RAPGEF4: variants seen among roughly 807,000 people sequenced by gnomAD.
RAPGEF4 encodes RAP guanine-nucleotide-exchange factor (GEF) 4.
In RAPGEF4, 66 loss-of-function variants were observed where a neutral mutation model predicts 147.9. That is an observed-to-expected ratio of 0.45 (90% CI 0.37 to 0.55). The LOEUF (loss-of-function observed/expected upper bound fraction) is 0.55. Among genes scored for constraint, RAPGEF4 ranks in the 20% least tolerant of loss-of-function variants. The pLI is 0.00. For missense variants in RAPGEF4, 1,071 were observed against 1,257.3 expected (o/e 0.85, Z 2.24); for synonymous variants, 419 against 442.7 (o/e 0.95, Z 0.67).
intron 10 of RAPGEF4, among the ~76,000 whole-genome samples, chr2:172,980,531 GGGA>G (rs1691567072): frequency 1.3e-5 from 2 of 152,174 alleles, no homozygotes; most frequent in Non-Finnish European, 2.9e-5. Context: ...GGAGCCAAGG[GGGA>G]GGAGCATGGG....
At chr2:172,840,693 A>G (rs1328462179) in intron 4 of RAPGEF4, among the ~76,000 whole-genome samples, 3 of 152,220 alleles carry the variant, frequency 2.0e-5, no homozygotes, top group Non-Finnish European at 2.9e-5. Context: ...GGTGAATATT[A>G]TACTTCTTTT....
chr2:172,764,520 C>T (rs1486653357), intron 1 of RAPGEF4, among the ~76,000 whole-genome samples: 7 of 151,916 alleles, frequency 4.6e-5, no homozygotes, highest in East Asian at 1.9e-4. Context: ...GAGATGGGCT[C>T]GGCAGGATGT....
intron 8 of RAPGEF4, among the ~76,000 whole-genome samples, chr2:172,964,001 G>A (rs1689569230): frequency 6.6e-6 from 1 of 152,158 alleles, no homozygotes; most frequent in South Asian, 2.1e-4. Context: ...CTCATCAGAC[G>A]CTCTGGGATC....
Position 172,965,631 on chromosome 2 carries a change from T to A in RAPGEF4, c.768T>A (p.Thr256=). The stretch of plus-strand genomic sequence containing the variant: ...AGACACCATGTGTTCACTCCCGGAC[T>A]CAAGCTGTTGGCATGTGGCAAGTCC... ...MQQTPCVHSR[T]QAVGMWQVLL... Residue 256 remains threonine, a synonymous_variant, in exon 9 of 31, where the codon ACT becomes ACA. Transcript: ENST00000397081. 1 of 1,614,178 alleles carries A rather than the reference T, an allele frequency of 6.2e-7. No homozygotes were observed. The highest frequency in any genetic ancestry group is 8.5e-7 in the Non-Finnish European group (1 of 1,180,016).
chr2:172,768,472 T>G (rs1219667264), intron 1 of RAPGEF4, among the ~76,000 whole-genome samples: 1 of 151,068 alleles, frequency 6.6e-6, no homozygotes, highest in Non-Finnish European at 1.5e-5. Context: ...TGCACTAGTT[T>G]ATGGGAGCCA....
At position 172,742,027 on chromosome 2, in the gene RAPGEF4, C is replaced by A. The variant is rs561864201; in HGVS notation, c.65+5979C>A. 1.8e-4 allele frequency among the ~76,000 whole-genome samples: 27 copies of A among 152,240 alleles called. No individual in the cohort carries two copies. The South Asian group carries it at 5.6e-3, about 32-fold the overall frequency. ...TCCAACATCATCAACTTACAGCCAA[C>A]CTTGTTTTGTTTATACCTTCACGCG... On this transcript the variant is annotated intron_variant, in intron 1 of 30. Coordinates refer to ENST00000397081, the MANE Select transcript of RAPGEF4 (RefSeq NM_007023.4).
chr2:172,913,268 A>T (rs555030340), intron 4 of RAPGEF4, among the ~76,000 whole-genome samples: 36 of 152,216 alleles, frequency 2.4e-4, no homozygotes, highest in African/African-American at 8.2e-4. Context: ...CATGCCACAC[A>T]TCTTAGGTTT....
chr2:172,767,256 A>G (rs1483844570), intron 1 of RAPGEF4, among the ~76,000 whole-genome samples: 6 of 149,180 alleles, frequency 4.0e-5, no homozygotes, highest in Non-Finnish European at 7.4e-5. Context: ...TTGGCTCACC[A>G]CAACCTCTGC....
chr2:173,007,610 C>T (rs879539507), intron 17 of RAPGEF4, among the ~76,000 whole-genome samples: 1 of 152,148 alleles, frequency 6.6e-6, no homozygotes, highest in Non-Finnish European at 1.5e-5. Flanking sequence ...TCATCCTTGA[C>T]AGCAATCTTA....
intron 1 of RAPGEF4, among the ~76,000 whole-genome samples, chr2:172,784,393 CT>C (rs1287654205): frequency 6.6e-6 from 1 of 152,060 alleles, no homozygotes; most frequent in Admixed American, 6.6e-5. Context: ...TGGCAGGCCC[CT>C]GTAGTCCCAG....
rs560034828 is a variant in RAPGEF4, at chr2:172,868,178, C to T, written c.445-49624C>T. Among the ~76,000 whole-genome samples, 5 of 152,278 alleles carry T rather than the reference C, an allele frequency of 3.3e-5. No individual in the cohort carries two copies. In the South Asian group the frequency reaches 6.2e-4, roughly 19 times the overall value. On this transcript the variant is annotated intron_variant, in intron 4 of 30. Transcript: ENST00000397081. The stretch of plus-strand genomic sequence containing the variant: ...GAGATTATTGGACCACCTAACAAAA[C>T]GAGCATCCCAGTAATCAATCTCAGA...
chr2:172,937,482 G>A (rs1386682893), intron 6 of RAPGEF4, among the ~76,000 whole-genome samples: 1 of 152,076 alleles, frequency 6.6e-6, no homozygotes, highest in Non-Finnish European at 1.5e-5. Flanking sequence ...CTGGGGCTAG[G>A]GGTTTGGGGA....
chr2:172,902,987 G>GA (rs1415448529), intron 4 of RAPGEF4, among the ~76,000 whole-genome samples: 5 of 152,102 alleles, frequency 3.3e-5, no homozygotes, highest in Admixed American at 6.5e-5. Context: ...AGCAATAATA[G>GA]AAAAAATCAT....
At chr2:172,925,587 T>TACAC (rs10534191) in intron 6 of RAPGEF4, among the ~76,000 whole-genome samples, 31 of 147,096 alleles carry the variant, frequency 2.1e-4, no homozygotes, top group African/African-American at 7.0e-4. Flanking sequence ...ACTCTGTCTG[T>TACAC]ACACACACAC....
At chr2:172,964,822 G>A (rs1239685129) in intron 8 of RAPGEF4, among the ~76,000 whole-genome samples, 1 of 152,182 alleles carries the variant, frequency 6.6e-6, no homozygotes, top group East Asian at 1.9e-4. Flanking sequence ...TCCCAAATAT[G>A]TGAGTGTATA....
At chr2:173,034,739 T>C (rs1266311882) in intron 27 of RAPGEF4, among the ~76,000 whole-genome samples, 1 of 151,874 alleles carries the variant, frequency 6.6e-6, no homozygotes, top group Non-Finnish European at 1.5e-5. Flanking sequence ...CCAGATGTGG[T>C]GGCCTACACC....
Position 172,829,552 on chromosome 2 carries a change from G to A in RAPGEF4, c.444+15127G>A, listed in dbSNP as rs181491021. On this transcript the variant is annotated intron_variant, in intron 4 of 30. Transcript: ENST00000397081. ...GAATAATACGTAAGTAATGATAACA[G>A]ATGAATTTTAGTGACCACCAACTAA... 1.7e-3 allele frequency among the ~76,000 whole-genome samples: 266 copies of A among 152,304 alleles called. 1 individual carries two copies. Among genetic ancestry groups the A allele is most frequent in the African/African-American group, 6.1e-3 (254 of 41,572 alleles).
chr2:172,971,123 A>G (rs1372786537), intron 10 of RAPGEF4, among the ~76,000 whole-genome samples: 1 of 152,218 alleles, frequency 6.6e-6, no homozygotes, highest in African/African-American at 2.4e-5. Context: ...TTCTTTGAGC[A>G]GGTACTTTGG....
chr2:172,968,589 C>A (rs1192439873), intron 10 of RAPGEF4, among the ~76,000 whole-genome samples: 2 of 152,202 alleles, frequency 1.3e-5, no homozygotes. Context: ...CCCCTCATCC[C>A]AGCAGATACC....
Sources: allele counts gnomAD v4.1 joint callset (sites outside exome capture counted in the v4.1 genomes callset), GRCh38; gene constraint gnomAD v4.1.1; transcripts MANE v1.5; gene names NCBI Gene and HGNC (gene_info 2026-07-23, HGNC 2026-07-21).